CDC14B: variants seen among roughly 807,000 people sequenced by gnomAD.
The protein encoded by CDC14B is cell division cycle 14B.
A neutral mutation model predicts 64.2 loss-of-function variants in CDC14B; 22 were observed. The observed-to-expected ratio is 0.34, with a 90% CI of 0.24 to 0.49. The LOEUF is 0.49. CDC14B is among the 20% of genes least tolerant of loss of function. The pLI is 0.99. For synonymous variants in CDC14B, 191 were observed against 215.8 expected, an observed-to-expected ratio of 0.89 and a Z score of 1.01; for missense variants, 498 against 629.9, an observed-to-expected ratio of 0.79 and a Z score of 2.24.
intron 12 of CDC14B, among the ~76,000 whole-genome samples, chr9:96,511,111 A>C (rs942262819): frequency 6.6e-6 from 1 of 152,182 alleles, no homozygotes; most frequent in Non-Finnish European, 1.5e-5. Flanking sequence ...GAACCATTAC[A>C]ATTAGTGAGC....
At chr9:96,587,627 A>G (rs1328816611) in intron 1 of CDC14B, among the ~76,000 whole-genome samples, 1 of 152,196 alleles carries the variant, frequency 6.6e-6, no homozygotes, top group Non-Finnish European at 1.5e-5. Context: ...AGTACATCTT[A>G]GTCTAGGCAC....
At chr9:96,571,268 T>C (rs912905645) in intron 1 of CDC14B, among the ~76,000 whole-genome samples, 2 of 151,916 alleles carry the variant, frequency 1.3e-5, no homozygotes, top group South Asian at 2.1e-4. Flanking sequence ...CTCTGCTTCC[T>C]GGGTTCAAGC....
intron 4 of CDC14B, among the ~76,000 whole-genome samples, chr9:96,554,343 C>T (rs1161728118): frequency 6.6e-6 from 1 of 152,136 alleles, no homozygotes; most frequent in African/African-American, 2.4e-5. Flanking sequence ...TCAAATTATA[C>T]AAATTTTTCC....
intron 4 of CDC14B, among the ~76,000 whole-genome samples, chr9:96,561,287 A>C (rs1843142238): frequency 6.6e-6 from 1 of 152,250 alleles, no homozygotes; most frequent in Non-Finnish European, 1.5e-5. Context: ...TACCTTATAC[A>C]TAAAAAAGAA....
Position 96,518,301 on chromosome 9 carries a change from G to A in CDC14B, c.1343+4205C>T, listed in dbSNP as rs879382931. ...GGAGGCTGAGGCGGGCAGATCACGA[G>A]GTCAGGAGTTTGAGACCAGCCTGGC... On this transcript the variant is annotated intron_variant, in intron 12 of 13. Transcript: ENST00000375241. Among the ~76,000 whole-genome samples, 86 of 152,212 alleles carry A rather than the reference G, an allele frequency of 5.7e-4. 1 individual carries two copies. The highest frequency in any genetic ancestry group is 1.0e-3 in the Non-Finnish European group (69 of 68,024).
intron 1 of CDC14B, among the ~76,000 whole-genome samples, chr9:96,595,275 G>T (rs892068779): frequency 6.6e-6 from 1 of 152,160 alleles, no homozygotes; most frequent in African/African-American, 2.4e-5. Context: ...AAAGTTTAAG[G>T]TTTATAACAA....
chr9:96,511,329 T>C (rs1385920869), intron 12 of CDC14B, among the ~76,000 whole-genome samples: 2 of 152,142 alleles, frequency 1.3e-5, no homozygotes, highest in Admixed American at 6.5e-5. Context: ...TCCTAGCACT[T>C]TGAGAGGCCG....
Position 96,522,620 on chromosome 9 carries a change from A to C in CDC14B, c.1246-17T>G. On this transcript the variant is annotated splice_polypyrimidine_tract_variant and intron_variant, in intron 11 of 13. Transcript: ENST00000375241. Reference sequence around the variant, plus strand: ...ATCACTGTACTGTGTAAGTAAAAAAACACTGAGCTAATGATTTAAGTTGCA... The same window carrying C: ...ATCACTGTACTGTGTAAGTAAAAAACCACTGAGCTAATGATTTAAGTTGCA... 2.0e-6 allele frequency: 3 copies of C among 1,501,054 alleles called. No homozygotes were observed. Among genetic ancestry groups the C allele is most frequent in the Middle Eastern group, 3.4e-4 (2 of 5,874 alleles). The allele number at this position is 1,501,054 out of a possible 1,614,324, so 93.0% of individuals were successfully genotyped here.
intron 1 of CDC14B, among the ~76,000 whole-genome samples, chr9:96,580,476 C>T (rs1306501469): frequency 6.6e-6 from 1 of 152,162 alleles, no homozygotes; most frequent in African/African-American, 2.4e-5. Flanking sequence ...GGTGATCTGC[C>T]CACCTCGGCC....
exon 14 of CDC14B, chr9:96,491,363 G>A (rs544399134): frequency 6.6e-6 from 1 of 152,320 alleles, no homozygotes; most frequent in South Asian, 2.1e-4. Context: ...CAGTCCTTTG[G>A]TTACTCCAGG....
At chr9:96,593,686 G>GA (rs1845908193) in intron 1 of CDC14B, among the ~76,000 whole-genome samples, 2 of 151,934 alleles carry the variant, frequency 1.3e-5, no homozygotes, top group Non-Finnish European at 1.5e-5. Context: ...GCTGGGAGGG[G>GA]AAAAAAGCTC....
chr9:96,515,660 G>T lies in CDC14B; in HGVS notation c.1344-5871C>A, dbSNP rs772592808. 1.3e-6 allele frequency: 2 copies of T among 1,577,370 alleles called. No homozygotes were observed. Among genetic ancestry groups the T allele is most frequent in the South Asian group, 1.2e-5 (1 of 85,980 alleles). ...AACGGGACACTTACAGCAGCTATCT[G>T]TCAGGGGGTCCTGATGGCTACTGTG... On this transcript the variant is annotated intron_variant, in intron 12 of 13. Transcript: ENST00000375241. The surrounding 1 kb of genome is among the most constrained non-coding windows in gnomAD (Gnocchi z 4.3).
intron 4 of CDC14B, among the ~76,000 whole-genome samples, chr9:96,553,311 G>A (rs957870117): frequency 1.3e-5 from 2 of 151,392 alleles, no homozygotes; most frequent in African/African-American, 4.9e-5. Context: ...ACTCATAAAC[G>A]GAAAATTTTC....
In CDC14B at chr9:96,522,422, G is replaced by T; in HGVS notation, c.1343+84C>A. 3 of 916,726 alleles carry T rather than the reference G, an allele frequency of 3.3e-6. No homozygotes were observed. In the South Asian group the frequency reaches 4.0e-5, roughly 12 times the overall value. The allele number at this position is 916,726 out of a possible 1,614,324, so 56.8% of individuals were successfully genotyped here. ...GGCATCATGGGCTTGCAACTATGGA[G>T]AAAAATGTACAGGAAAAACCCTCAC... On this transcript the variant is annotated intron_variant, in intron 12 of 13. Coordinates refer to ENST00000375241, the MANE Select transcript of CDC14B (RefSeq NM_033331.4).
At chr9:96,583,364 T>C (rs1485333765) in intron 1 of CDC14B, among the ~76,000 whole-genome samples, 1 of 140,976 alleles carries the variant, frequency 7.1e-6, no homozygotes, top group East Asian at 2.0e-4. Context: ...CTACTGGTTG[T>C]ATTTATTTAT....
chr9:96,550,740 A>C (rs565121844), intron 5 of CDC14B, among the ~76,000 whole-genome samples: 3 of 152,338 alleles, frequency 2.0e-5, no homozygotes, highest in Admixed American at 1.3e-4. Context: ...GAGCTAAGTC[A>C]AGTATTTTGA....
chr9:96,516,243 C>T (rs765314527), intron 12 of CDC14B, among the ~76,000 whole-genome samples: 1 of 152,084 alleles, frequency 6.6e-6, no homozygotes, highest in Admixed American at 6.6e-5. Flanking sequence ...TAAAAATGAA[C>T]GTAATACAGC....
At chr9:96,550,220 C>T (rs59842376) in intron 5 of CDC14B, among the ~76,000 whole-genome samples, 137 of 152,284 alleles carry the variant, frequency 9.0e-4, no homozygotes, top group African/African-American at 3.1e-3. Context: ...TCTTCCCTTC[C>T]TACCCACCTC....
intron 1 of CDC14B, among the ~76,000 whole-genome samples, chr9:96,599,318 T>C (rs775821467): frequency 1.3e-5 from 2 of 151,466 alleles, no homozygotes; most frequent in Non-Finnish European, 2.9e-5. Flanking sequence ...GAGGCGGAGG[T>C]TGCAGTGAGC....
Sources: gnomAD v4.1 joint callset for allele counts (sites outside exome capture counted in the v4.1 genomes callset) on GRCh38, gnomAD v4.1.1 for gene constraint, Gnocchi (gnomAD v3.1) non-coding constraint, MANE v1.5 for transcripts, NCBI Gene and HGNC (gene_info 2026-07-23, HGNC 2026-07-21) for gene names.